MYO9A: variants seen among roughly 807,000 people sequenced by gnomAD.
MYO9A encodes myosin IXA.
MYO9A carries 103 observed loss-of-function variants against 293.3 expected under a neutral mutation model. The ratio of observed to expected loss-of-function variants is 0.35; its 90% CI spans 0.30 to 0.41. The LOEUF (loss-of-function observed/expected upper bound fraction) is 0.41. Ranked by LOEUF, MYO9A falls within the 10% of genes least tolerant of loss-of-function variation. The pLI is 1.00. For synonymous variants in MYO9A, 1,001 were observed against 1,035.7 expected (o/e 0.97, Z 0.64); for missense variants, 2,685 against 3,033.0 (o/e 0.89, Z 2.69).
Position 71,825,292 on chromosome 15 carries a change from C to G in MYO9A, c.*1288G>C, listed in dbSNP as rs1595968365. 1 of 152,172 alleles carries G rather than the reference C, an allele frequency of 6.6e-6. No homozygotes were observed. The highest frequency in any genetic ancestry group is 1.5e-5 in the Non-Finnish European group (1 of 68,042). The allele number at this position is 152,172 out of a possible 1,614,324, so 9.4% of individuals were successfully genotyped here. ...CTCTCATCCCCCTGTCCAGTGGCCC[C>G]TCATCTGTGGGAAGAAATTCCATGG... is the stretch of plus-strand genomic sequence containing the variant. On this transcript the variant is annotated 3_prime_UTR_variant, in exon 42 of 42. Coordinates refer to ENST00000356056, the MANE Select transcript of MYO9A (RefSeq NM_006901.4).
chr15:72,107,545 C>T (rs35673773), intron 1 of MYO9A, among the ~76,000 whole-genome samples: 1 of 151,664 alleles, frequency 6.6e-6, no homozygotes, highest in South Asian at 2.1e-4. Flanking sequence ...CAAGACTTTG[C>T]CCCTCCCCTC....
intron 10 of MYO9A, among the ~76,000 whole-genome samples, chr15:71,994,019 G>C (rs2148485184): frequency 6.6e-6 from 1 of 151,268 alleles, no homozygotes; most frequent in South Asian, 2.1e-4. Flanking sequence ...GTATACACAG[G>C]TAAGTAAAAG....
intron 14 of MYO9A, among the ~76,000 whole-genome samples, chr15:71,954,138 C>T (rs888234058): frequency 6.6e-5 from 10 of 151,976 alleles, no homozygotes; most frequent in Admixed American, 2.0e-4. Context: ...TCGTGACCTG[C>T]CTGCCTCAAC....
chr15:72,043,980 T>C (rs190779129), intron 2 of MYO9A, among the ~76,000 whole-genome samples: 1 of 151,634 alleles, frequency 6.6e-6, no homozygotes, highest in African/African-American at 2.4e-5. Flanking sequence ...CGCATATATT[T>C]ATGGTGTATA....
intron 1 of MYO9A, among the ~76,000 whole-genome samples, chr15:72,067,178 T>A (rs1246028362): frequency 6.7e-6 from 1 of 148,704 alleles, no homozygotes; most frequent in African/African-American, 2.4e-5. Flanking sequence ...TTATTAAATA[T>A]ATTAATATTA....
At chr15:71,949,866 A>G (rs1181999248) in intron 15 of MYO9A, among the ~76,000 whole-genome samples, 3 of 151,942 alleles carry the variant, frequency 2.0e-5, no homozygotes, top group Non-Finnish European at 2.9e-5. Context: ...GTGGTTTTCT[A>G]TCTCTGAAAC....
chr15:71,935,263 A>T (rs1259692980), intron 17 of MYO9A, 78 bp downstream of exon 17: 1 of 1,410,444 alleles, frequency 7.1e-7, no homozygotes, highest in Non-Finnish European at 9.6e-7. Context: ...TTCCTTCTTC[A>T]TTTTTTTCTG....
At chr15:72,091,775 G>A (rs1048524856) in intron 1 of MYO9A, among the ~76,000 whole-genome samples, 4 of 150,338 alleles carry the variant, frequency 2.7e-5, no homozygotes, top group African/African-American at 9.8e-5. Context: ...GTGCAGTGGC[G>A]CGATCTCGGC....
rs1186451170 is a variant in MYO9A at position 71,825,940 on chromosome 15, A to AAGAT, written c.*636_*639dup. On this transcript the variant is annotated 3_prime_UTR_variant, in exon 42 of 42. Transcript: ENST00000356056. Reference sequence around the variant, plus strand: ...GGTATTCTCTTCTTCACTGTATAACAAGATATCTGAGACACGCTCTGATGG... The same window carrying AAGAT: ...GGTATTCTCTTCTTCACTGTATAACAAGATAGATATCTGAGACACGCTCTGATGG... 6.6e-6 allele frequency: 1 copy of AAGAT among 152,058 alleles called. No individual in the cohort carries two copies. The highest frequency in any genetic ancestry group is 1.9e-4 in the East Asian group (1 of 5,194). 9.4% of individuals were successfully genotyped at this position (152,058 alleles called of 1,614,324 possible). A position where few individuals can be genotyped will look rare whatever the true frequency, so the allele number is the denominator to read the frequency against.
intron 4 of MYO9A, among the ~76,000 whole-genome samples, chr15:72,026,947 T>C (rs1361236468): frequency 6.6e-6 from 1 of 152,196 alleles, no homozygotes; most frequent in Non-Finnish European, 1.5e-5. Flanking sequence ...TTTCAATTAA[T>C]AATCAAAATT....
chr15:72,046,489 A>G lies in MYO9A; in HGVS notation c.75T>C (p.Ile25=). ...TCGGACAGTAGATTGTCCCTTCTGAAATAGCCCCAGGATATATCCGTAATG... is the reference window on the plus strand; with the variant it reads ...TCGGACAGTAGATTGTCCCTTCTGAGATAGCCCCAGGATATATCCGTAATG... ...EHTLRIYPGA[I]SEGTIYCPIP... is the part of the protein sequence containing the mutation. Residue 25 remains isoleucine, a synonymous_variant, in exon 2 of 42, where the codon ATT becomes ATC. Coordinates refer to ENST00000356056, the MANE Select transcript of MYO9A (RefSeq NM_006901.4). The G allele has an allele frequency of 6.2e-7, 1 of 1,614,158 alleles. No homozygotes were observed. The highest frequency in any genetic ancestry group is 1.1e-5 in the South Asian group (1 of 91,080).
intron 18 of MYO9A, among the ~76,000 whole-genome samples, chr15:71,931,219 A>G (rs933472869): frequency 6.6e-6 from 1 of 152,188 alleles, no homozygotes; most frequent in Admixed American, 6.5e-5. Flanking sequence ...TTTAGCTTGA[A>G]GAACTTTCTT....
chr15:71,954,286 C>T (rs777458204), intron 14 of MYO9A, among the ~76,000 whole-genome samples: 2 of 151,980 alleles, frequency 1.3e-5, no homozygotes, highest in African/African-American at 4.8e-5. Context: ...CTGTAACCTC[C>T]GCCTCCCAGG....
At position 72,019,046 on chromosome 15, in the gene MYO9A, G is replaced by A. The variant is rs764753049; in HGVS notation, c.1148C>T (p.Ser383Phe). 1 of 1,613,648 alleles carries A rather than the reference G, an allele frequency of 6.2e-7. No homozygotes were observed. Among genetic ancestry groups the A allele is most frequent in the Non-Finnish European group, 8.5e-7 (1 of 1,179,760 alleles). Residue 383 changes from serine (S) to phenylalanine (F), a missense_variant, in exon 6 of 42, where the codon TCT (serine) becomes TTT (phenylalanine). By Grantham distance (155) the Ser-to-Phe change is radical. Around this residue, in one of 10 missense-constraint regions of MYO9A, gnomAD observed 289 missense variants for 456.8 expected, o/e 0.63. Coordinates refer to ENST00000356056, the MANE Select transcript of MYO9A (RefSeq NM_006901.4). ...RQSWDDYCYD[S>F]EPDCFTVEGE... is the part of the protein sequence containing the mutation. Reference sequence around the variant, plus strand: ...TTAGGTACTTGTACTGACCGGCTCAGAGTCATAGCAATAATCATCCCAGCT... The same window carrying A: ...TTAGGTACTTGTACTGACCGGCTCAAAGTCATAGCAATAATCATCCCAGCT...
At chr15:72,098,945 TAA>T (rs60291999) in intron 1 of MYO9A, among the ~76,000 whole-genome samples, 1 of 144,942 alleles carries the variant, frequency 6.9e-6, no homozygotes. Context: ...AAGTTGTATT[TAA>T]AAAAAAAAAC....
chr15:72,080,298 C>A (rs1443372893), intron 1 of MYO9A, among the ~76,000 whole-genome samples: 2 of 148,008 alleles, frequency 1.4e-5, no homozygotes, highest in South Asian at 2.1e-4. Flanking sequence ...ATAAACTAAC[C>A]ATGCTTCTCT....
chr15:71,967,303 G>C (rs941180527), intron 13 of MYO9A, among the ~76,000 whole-genome samples: 2 of 152,080 alleles, frequency 1.3e-5, no homozygotes, highest in Admixed American at 6.6e-5. Flanking sequence ...TTTATCATTA[G>C]ATCATTCCAA....
In MYO9A at chr15:72,082,720, TGA is replaced by T. The variant is rs201394588; in HGVS notation, c.-72+34958_-72+34959del. Reference sequence around the variant, plus strand: ...TATATTCCTTCAATACCTCGTTTATTGAGAGTTTTTAACACGAAAGGCTGTTG... The same window carrying T: ...TATATTCCTTCAATACCTCGTTTATTGAGTTTTTAACACGAAAGGCTGTTG... On this transcript the variant is annotated intron_variant, in intron 1 of 41. Coordinates refer to ENST00000356056, the MANE Select transcript of MYO9A (RefSeq NM_006901.4). Among the ~76,000 whole-genome samples, 657 of 152,088 alleles carry T rather than the reference TGA, an allele frequency of 4.3e-3. 6 individuals are homozygous for T. The highest frequency in any genetic ancestry group is 0.015 in the African/African-American group (630 of 41,452).
At chr15:71,897,243 T>A in intron 25 of MYO9A, 1 of 537,750 alleles carries the variant, frequency 1.9e-6, no homozygotes, top group Non-Finnish European at 3.3e-6. Context: ...AGGAACCCAG[T>A]ATTTACTCTG....
Sources: allele counts gnomAD v4.1 joint callset (sites outside exome capture counted in the v4.1 genomes callset), GRCh38; gene constraint gnomAD v4.1.1; regional missense constraint gnomAD v4.1.1; transcripts MANE v1.5; gene names NCBI Gene and HGNC (gene_info 2026-07-23, HGNC 2026-07-21).